Variants in SPG7 observed in about 807,000 individuals in gnomAD.
SPG7 encodes the protein mitochondrial inner membrane m-AAA protease component paraplegin.
In SPG7, 103 loss-of-function variants were observed where a neutral mutation model predicts 81.9. The ratio of observed to expected loss-of-function variants is 1.26; its 90% confidence interval spans 1.07 to 1.48. The LOEUF is 1.48. Ranked by LOEUF, SPG7 falls within the 40% of genes most tolerant of loss-of-function variation. The pLI is 0.00. For missense variants in SPG7, 1,241 were observed against 1,087.3 expected (o/e 1.14, Z -1.99); for synonymous variants, 534 against 444.2 (o/e 1.20, Z -2.54).
chr16:89,553,875 C>T lies in SPG7; in HGVS notation c.2018C>T (p.Pro673Leu), dbSNP rs2058661800. Residue 673 changes from proline to leucine, a missense_variant, in exon 15 of 17, where the codon CCC becomes CTC. By Grantham distance (98) the Pro-to-Leu change is moderately conservative. Transcript: ENST00000645818. The stretch of plus-strand genomic sequence containing the variant: ...TTTGGGATGGCACCTGGCATCGGGC[C>T]CATCTCCTTCCCTGAGGCGCAGGAG... The part of the protein sequence containing the change: ...KQFGMAPGIG[P>L]ISFPEAQEGL... The T allele has an allele frequency of 6.2e-7, 1 of 1,613,446 alleles. No homozygotes were observed.
intron 16 of SPG7, 156 bp from the exon 17 acceptor site, chr16:89,556,731 C>T (rs990432705): frequency 5.1e-5 from 36 of 701,006 alleles, no homozygotes; most frequent in Non-Finnish European, 7.8e-5. Flanking sequence ...ATTCTTCTTT[C>T]GGAGCTGCCT....
At chr16:89,509,581 C>G (rs930268473) in intron 1 of SPG7, among the ~76,000 whole-genome samples, 3 of 151,812 alleles carry the variant, frequency 2.0e-5, no homozygotes, top group African/African-American at 7.3e-5. Context: ...AAATGTTTAT[C>G]TTGAAAGGAG....
Position 89,553,040 on chromosome 16 carries a change from A to C in SPG7, c.1841A>C (p.Gln614Pro). ...TTTGCTCAGATGCTCCCCAGAGACC[A>C]GCACCTCTTCACCAAGGAGCAGCTG... ...LGFAQMLPRD[Q>P]HLFTKEQLFE... Residue 614 changes from glutamine to proline, a missense_variant, in exon 14 of 17, where the codon CAG becomes CCG. Physicochemically the swap from Gln to Pro is moderately conservative, Grantham distance 76 (BLOSUM62 -1). Coordinates refer to ENST00000645818, the MANE Select transcript of SPG7 (RefSeq NM_003119.4). 1 of 1,614,036 alleles carries C rather than the reference A, an allele frequency of 6.2e-7. No homozygotes were observed. The highest frequency in any genetic ancestry group is 8.5e-7 in the Non-Finnish European group (1 of 1,179,972).
intron 13 of SPG7, chr16:89,551,643 C>T (rs1433025486): frequency 6.6e-6 from 1 of 152,226 alleles, no homozygotes; most frequent in Non-Finnish European, 1.5e-5. Context: ...AATGCAGGGA[C>T]TTTGGGAGGC....
chr16:89,508,586 G>A lies in SPG7; in HGVS notation c.169G>A (p.Gly57Ser), dbSNP rs1470820944. Reference sequence around the variant, plus strand: ...TCCGGGGGACCTCGCCGAGGCTGGAGGCCGAGCTCTGCAGGTAAATCCCCG... The same window carrying A: ...TCCGGGGGACCTCGCCGAGGCTGGAAGCCGAGCTCTGCAGGTAAATCCCCG... ...RPPGDLAEAG[G>S]RALQSLQLRL... Residue 57 changes from glycine (G) to serine (S), a missense_variant, in exon 1 of 17, where the codon GGC (glycine) becomes AGC (serine). Coordinates refer to ENST00000645818, the MANE Select transcript of SPG7 (RefSeq NM_003119.4). The A allele has an allele frequency of 1.4e-5, 21 of 1,481,958 alleles. No individual in the cohort carries two copies. The highest frequency in any genetic ancestry group is 1.8e-5 in the Non-Finnish European group (20 of 1,121,576). 91.8% of individuals were successfully genotyped at this position (1,481,958 alleles called of 1,614,324 possible).
rs878956690 is a variant in SPG7 at position 89,548,131 on chromosome 16, T to C, written c.1663+18T>C. On this transcript the variant is annotated intron_variant, in intron 12 of 16. Coordinates refer to ENST00000645818, the MANE Select transcript of SPG7 (RefSeq NM_003119.4). ...CCTCGCAGGTACAGGGGGCGCGCCC[T>C]GGGTGAAGGCCCTCCTTAGCAGGGC... 6.5e-7 allele frequency: 1 copy of C among 1,548,764 alleles called. No individual in the cohort carries two copies. The highest frequency in any genetic ancestry group is 1.7e-5 in the Admixed American group (1 of 59,966).
At position 89,517,616 on chromosome 16, in the gene SPG7, C is replaced by CTTTTTTTTTTTTTTTTTTTTTT. The variant is rs11318359; in HGVS notation, c.376+4599_376+4600insTTTTTTTTTTTTTTTTTTTTTT. On this transcript the variant is annotated intron_variant, in intron 3 of 16. Coordinates refer to ENST00000645818, the MANE Select transcript of SPG7 (RefSeq NM_003119.4). Reference sequence around the variant, plus strand: ...CCTGCATCTGAGTAATTGTCGTCGTCTTTTTTTTTTTTTTTTTTTTGAGAT... The same window carrying CTTTTTTTTTTTTTTTTTTTTTT: ...CCTGCATCTGAGTAATTGTCGTCGTCTTTTTTTTTTTTTTTTTTTTTTTTTTTTTTTTTTTTTTTTTTGAGAT... The CTTTTTTTTTTTTTTTTTTTTTT allele has an allele frequency of 1.5e-5, 2 of 130,314 alleles. 1 individual carries two copies. The highest frequency in any genetic ancestry group is 3.3e-5 in the Non-Finnish European group (2 of 60,872). 8.1% of individuals were successfully genotyped at this position (130,314 alleles called of 1,614,324 possible). A position where few individuals can be genotyped will look rare whatever the true frequency, so the allele number is the denominator to read the frequency against.
intron 3 of SPG7, among the ~76,000 whole-genome samples, chr16:89,515,578 A>T (rs1210456889): frequency 6.8e-6 from 1 of 146,272 alleles, no homozygotes. Context: ...ACCTTTTTAT[A>T]AAAAAAAATT....
intron 11 of SPG7, 34 bp downstream of exon 11, chr16:89,546,794 C>T (rs1208855096): frequency 7.7e-6 from 11 of 1,420,328 alleles, no homozygotes; most frequent in South Asian, 2.3e-5. Flanking sequence ...GGCAGCGTCA[C>T]GTCCTGAGGG....
rs2058695204 is a variant in SPG7 at position 89,557,099 on chromosome 16, A to T, written c.*6A>T. The T allele has an allele frequency of 6.2e-7, 1 of 1,609,706 alleles. No homozygotes were observed. ...AGCCGACTTGGCCCAAGTAGTTGGG[A>T]GGTGTTGGCTGCACGTGCGGGTGGT... On this transcript the variant is annotated 3_prime_UTR_variant, in exon 17 of 17. Transcript: ENST00000645818.
chr16:89,548,066 C>T lies in SPG7; in HGVS notation c.1616C>T (p.Ser539Phe). The T allele has an allele frequency of 1.2e-6, 2 of 1,610,746 alleles. No individual in the cohort carries two copies. Among genetic ancestry groups the T allele is most frequent in the Non-Finnish European group, 1.7e-6 (2 of 1,179,910 alleles). ...CACGCGGCGCGGGAGGGACACACTT[C>T]CGTGCACACTCTCAACTTCGAGTAC... ...ALHAAREGHT[S>F]VHTLNFEYAV... is the part of the protein sequence containing the mutation. Residue 539 changes from serine (S) to phenylalanine (F), a missense_variant, in exon 12 of 17, where the codon TCC becomes TTC. Transcript: ENST00000645818.
intron 16 of SPG7, chr16:89,555,083 T>G (rs946055842): frequency 1.3e-5 from 2 of 156,526 alleles, no homozygotes; most frequent in African/African-American, 5.0e-5. Context: ...ACTCGGCTTT[T>G]CTTTTTTTTT....
intron 3 of SPG7, chr16:89,514,207 T>A (rs958188840): frequency 6.6e-6 from 1 of 151,790 alleles, no homozygotes; most frequent in Non-Finnish European, 1.5e-5. Flanking sequence ...CTCAGAACTA[T>A]CTTCTAAAAG....
chr16:89,553,512 G>C (rs978831198), intron 14 of SPG7: 4 of 538,600 alleles, frequency 7.4e-6, no homozygotes, highest in Non-Finnish European at 1.0e-5. Context: ...GGTTTGCCTC[G>C]CATAGGCCTG....
chr16:89,537,728 C>T (rs2058445116), intron 9 of SPG7: 2 of 985,326 alleles, frequency 2.0e-6, no homozygotes, highest in Non-Finnish European at 2.4e-6. Flanking sequence ...GTGAGCTTGG[C>T]AGTGCTTGCC....
In SPG7 at chr16:89,512,948, G is replaced by A; in HGVS notation, c.287G>A (p.Gly96Asp). The change falls in exon 3 of 17, where the codon GGT becomes GAT. Residue 96 changes from glycine (G) to aspartate (D), a missense_variant and splice_region_variant. Physicochemically the swap from Gly to Asp is moderately conservative, Grantham distance 94 (BLOSUM62 -1). Coordinates refer to ENST00000645818, the MANE Select transcript of SPG7 (RefSeq NM_003119.4). ...QNPVRLWQLL[G>D]GTFYFNTSRL... ...TAAATCCTTTCTCTATTTCTCATAG[G>A]TGGTACTTTCTATTTTAACACCTCA... 1 of 1,613,066 alleles carries A rather than the reference G, an allele frequency of 6.2e-7. No individual in the cohort carries two copies. The highest frequency in any genetic ancestry group is 8.5e-7 in the Non-Finnish European group (1 of 1,179,324).
intron 6 of SPG7, 158 bp downstream of exon 6, chr16:89,529,737 C>T (rs975261480): frequency 4.3e-5 from 30 of 700,706 alleles, no homozygotes; most frequent in Middle Eastern, 3.5e-4. Context: ...TCCCATGGTC[C>T]GGCTGTAAGG....
chr16:89,534,470 C>T (rs1207847605), intron 9 of SPG7, among the ~76,000 whole-genome samples: 2 of 152,188 alleles, frequency 1.3e-5, no homozygotes, highest in Non-Finnish European at 1.5e-5. Context: ...GAAGTCTCTG[C>T]TTTGTAAGAT....
chr16:89,514,456 G>T (rs2058066782), intron 3 of SPG7: 1 of 151,542 alleles, frequency 6.6e-6, no homozygotes, highest in African/African-American at 2.4e-5. Context: ...AAGTAGCTGG[G>T]ATTACAGGTG....
Sources: gnomAD v4.1 joint callset for allele counts (sites outside exome capture counted in the v4.1 genomes callset) on GRCh38, gnomAD v4.1.1 for gene constraint, MANE v1.5 for transcripts, NCBI Gene and HGNC (gene_info 2026-07-23, HGNC 2026-07-21) for gene names.